Variants in LUZP2 observed in about 807,000 individuals in gnomAD.
LUZP2 encodes the protein leucine zipper protein 2.
A neutral mutation model predicts 51.6 loss-of-function variants in LUZP2; 52 were observed. The observed-to-expected ratio is 1.01, with a 90% confidence interval of 0.81 to 1.27. The LOEUF (loss-of-function observed/expected upper bound fraction) is 1.27, where lower values mean the gene tolerates loss of function less well. LUZP2 is among the 50% of genes most tolerant of loss of function. LUZP2 has a pLI of 0.00. For missense variants in LUZP2, 436 were observed against 395.4 expected (o/e 1.10, Z -0.87); for synonymous variants, 154 against 137.3 (o/e 1.12, Z -0.85).
chr11:24,641,029 T>A (rs1483735435), intron 1 of LUZP2, among the ~76,000 whole-genome samples: 1 of 150,728 alleles, frequency 6.6e-6, no homozygotes, highest in Non-Finnish European at 1.5e-5. Flanking sequence ...TTCACTTGCC[T>A]CAGCCTCCCA....
intron 5 of LUZP2, among the ~76,000 whole-genome samples, chr11:24,878,846 C>A (rs991626805): frequency 3.3e-5 from 5 of 151,926 alleles, no homozygotes; most frequent in African/African-American, 1.2e-4. Context: ...GTTCAACTCC[C>A]AATTTTGAAT....
intron 9 of LUZP2, among the ~76,000 whole-genome samples, chr11:25,017,519 T>G (rs1011472210): frequency 3.3e-5 from 5 of 152,164 alleles, no homozygotes; most frequent in African/African-American, 1.2e-4. Context: ...AATGGGGTGT[T>G]GTTTCCCCAG....
intron 7 of LUZP2, among the ~76,000 whole-genome samples, chr11:24,944,530 T>C (rs1854849104): frequency 1.3e-5 from 2 of 151,782 alleles, no homozygotes; most frequent in South Asian, 2.1e-4. Flanking sequence ...CAGTAGAGAG[T>C]AGAAAAAATG....
intron 5 of LUZP2, among the ~76,000 whole-genome samples, chr11:24,898,260 A>G (rs1385806680): frequency 6.6e-6 from 1 of 151,152 alleles, no homozygotes; most frequent in Non-Finnish European, 1.5e-5. Context: ...AAAAAAAATC[A>G]GGTAAGTATG....
At chr11:24,881,438 A>G (rs2134294890) in intron 5 of LUZP2, among the ~76,000 whole-genome samples, 1 of 152,230 alleles carries the variant, frequency 6.6e-6, no homozygotes, top group Admixed American at 6.5e-5. Flanking sequence ...AGTCATGTCT[A>G]AAGAGGGACA....
chr11:24,816,427 A>G (rs1590582037), intron 5 of LUZP2, among the ~76,000 whole-genome samples: 1 of 152,138 alleles, frequency 6.6e-6, no homozygotes, highest in African/African-American at 2.4e-5. Flanking sequence ...GAAAAAATAT[A>G]GTCATGCTTA....
chr11:24,845,395 G>A (rs1024255666), intron 5 of LUZP2, among the ~76,000 whole-genome samples: 8 of 152,154 alleles, frequency 5.3e-5, no homozygotes, highest in African/African-American at 1.9e-4. Context: ...ACTGGCTTAT[G>A]TGTGAAAGGG....
chr11:24,583,293 T>C (rs914922560), intron 1 of LUZP2, among the ~76,000 whole-genome samples: 8 of 152,156 alleles, frequency 5.3e-5, no homozygotes, highest in African/African-American at 1.9e-4. Context: ...TGTGATTTCT[T>C]AACCAGTTTG....
At chr11:24,513,375 T>G (rs1252877807) in intron 1 of LUZP2, among the ~76,000 whole-genome samples, 4 of 151,942 alleles carry the variant, frequency 2.6e-5, no homozygotes, top group Non-Finnish European at 4.4e-5. Flanking sequence ...CCTTTAGCAG[T>G]CGTTGGTAAG....
chr11:24,872,366 A>G (rs910109544), intron 5 of LUZP2, among the ~76,000 whole-genome samples: 12 of 152,120 alleles, frequency 7.9e-5, no homozygotes, highest in African/African-American at 2.9e-4. Flanking sequence ...TTCACGCTGT[A>G]TTTGCTTGCT....
intron 4 of LUZP2, among the ~76,000 whole-genome samples, chr11:24,754,067 C>T (rs997556700): frequency 1.3e-5 from 2 of 152,142 alleles, no homozygotes; most frequent in Non-Finnish European, 2.9e-5. Flanking sequence ...ATTTTAATAA[C>T]CATCTAAAGA....
At chr11:24,806,799 A>T (rs187085712) in intron 5 of LUZP2, among the ~76,000 whole-genome samples, 15 of 152,114 alleles carry the variant, frequency 9.9e-5, no homozygotes, top group African/African-American at 3.6e-4. Context: ...ACAATCTTTG[A>T]CTATTAAAAG....
At chr11:24,588,720 G>A (rs1163945002) in intron 1 of LUZP2, among the ~76,000 whole-genome samples, 1 of 152,044 alleles carries the variant, frequency 6.6e-6, no homozygotes, top group Non-Finnish European at 1.5e-5. Context: ...ATTTATGGGA[G>A]TCTAGGCCCT....
intron 5 of LUZP2, among the ~76,000 whole-genome samples, chr11:24,792,198 G>A (rs1849427465): frequency 6.6e-6 from 1 of 152,004 alleles, no homozygotes; most frequent in Admixed American, 6.6e-5. Flanking sequence ...GGAGGTGGAG[G>A]CAGGCGGGCC....
Position 24,602,000 on chromosome 11 carries a change from A to G in LUZP2, c.62+104695A>G, listed in dbSNP as rs202129374. Among the ~76,000 whole-genome samples, 266 of 62,824 alleles carry G rather than the reference A, an allele frequency of 4.2e-3. 3 individuals are homozygous for G. The highest frequency in any genetic ancestry group is 0.021 in the African/African-American group (216 of 10,504). 41.2% of individuals were successfully genotyped at this position (62,824 alleles called of 152,430 possible). ...TATGTATATATATGTGTATATATGT[A>G]TATATATGTATATATGTATATATGT... On this transcript the variant is annotated intron_variant, in intron 1 of 11. Transcript: ENST00000336930.
intron 9 of LUZP2, among the ~76,000 whole-genome samples, chr11:24,994,450 A>G (rs1002594153): frequency 6.6e-6 from 1 of 152,206 alleles, no homozygotes; most frequent in African/African-American, 2.4e-5. Context: ...ATCATGATGC[A>G]AGGGACTGGA....
At chr11:24,589,193 C>T (rs1195774589) in intron 1 of LUZP2, among the ~76,000 whole-genome samples, 1 of 152,122 alleles carries the variant, frequency 6.6e-6, no homozygotes, top group Non-Finnish European at 1.5e-5. Context: ...TAATTGATCA[C>T]CAAAGACACC....
chr11:24,556,294 T>C (rs1031122923), intron 1 of LUZP2, among the ~76,000 whole-genome samples: 11 of 152,304 alleles, frequency 7.2e-5, no homozygotes, highest in African/African-American at 2.4e-4. Flanking sequence ...AATTTTCCAT[T>C]GTGGCATATA....
intron 1 of LUZP2, among the ~76,000 whole-genome samples, chr11:24,671,538 C>A (rs368585064): frequency 6.7e-6 from 1 of 150,302 alleles, no homozygotes; most frequent in Non-Finnish European, 1.5e-5. Flanking sequence ...TAATCTTTCA[C>A]CTAATTATTT....
Sources: allele counts gnomAD v4.1 joint callset (sites outside exome capture counted in the v4.1 genomes callset), GRCh38; gene constraint gnomAD v4.1.1; transcripts MANE v1.5; gene names NCBI Gene and HGNC (gene_info 2026-07-23, HGNC 2026-07-21).